C5AR1: variants seen among roughly 807,000 people sequenced by gnomAD.
The protein encoded by C5AR1 is C5a anaphylatoxin chemotactic receptor 1.
In C5AR1, 4 loss-of-function variants were observed where a neutral mutation model predicts 2.4. The ratio of observed to expected loss-of-function variants is 1.65; its 90% CI spans 0.81 to 3.77. C5AR1 has a LOEUF of 3.77. C5AR1 is among the 30% of genes most tolerant of loss of function. The pLI is 0.01. For synonymous variants in C5AR1, 209 were observed against 210.4 expected, an observed-to-expected ratio of 0.99 and a Z score of 0.06; for missense variants, 418 against 462.5, an observed-to-expected ratio of 0.90 and a Z score of 0.88.
chr19:47,308,557 C>CT (rs58683135), upstream of C5AR1, among the ~76,000 whole-genome samples: 3,360 of 143,494 alleles, frequency 0.023, 47 homozygotes, highest in Non-Finnish European at 0.036. Flanking sequence ...TTTTTCTTTT[C>CT]TTTTTTTTTT....
At chr19:47,314,103 C>T (rs2059278934) in intron 1 of C5AR1, among the ~76,000 whole-genome samples, 1 of 152,156 alleles carries the variant, frequency 6.6e-6, no homozygotes, top group Non-Finnish European at 1.5e-5. Flanking sequence ...TTCCAATCTC[C>T]GTTTCCTCCC....
At chr19:47,309,633 GGA>G (rs910848756), upstream of C5AR1, among the ~76,000 whole-genome samples, 16 of 151,512 alleles carry the variant, frequency 1.1e-4, no homozygotes, top group Non-Finnish European at 1.9e-4. Context: ...ACCAAGGCCA[GGA>G]GAGGGGCCGA....
chr19:47,314,395 AC>A (rs533976092), intron 1 of C5AR1, among the ~76,000 whole-genome samples: 1 of 151,960 alleles, frequency 6.6e-6, no homozygotes, highest in Non-Finnish European at 1.5e-5. Context: ...ATTTTATTTT[AC>A]TTTATTTATT....
chr19:47,320,359 C>T lies in C5AR1; in HGVS notation c.582C>T (p.His194=), dbSNP rs150320528. The part of the protein sequence containing the change: ...PKVLCGVDYS[H]DKRRERAVAI... ...TGTTGTGTGGCGTGGACTACAGCCA[C>T]GACAAACGGCGGGAGCGAGCCGTGG... Residue 194 remains histidine, a synonymous_variant, in exon 2 of 2, where the codon CAC becomes CAT. Coordinates refer to ENST00000355085, the MANE Select transcript of C5AR1 (RefSeq NM_001736.4). This position sits in a 1 kb window ranked among gnomAD's most constrained non-coding sequence, Gnocchi z 4.9. The T allele has an allele frequency of 2.4e-4, 385 of 1,609,704 alleles. No individual in the cohort carries two copies. The highest frequency in any genetic ancestry group is 1.6e-3 in the African/African-American group (120 of 75,044).
intron 1 of C5AR1, among the ~76,000 whole-genome samples, chr19:47,312,648 C>A (rs753790836): frequency 1.3e-5 from 2 of 152,116 alleles, no homozygotes; most frequent in South Asian, 4.1e-4. Flanking sequence ...GCATACCAGG[C>A]GTTGTATTAG....
chr19:47,320,392 C>G lies in C5AR1; in HGVS notation c.615C>G (p.Val205=), dbSNP rs61733735. 1.9e-3 allele frequency: 3,081 copies of G among 1,610,264 alleles called. 64 individuals are homozygous for G. In the African/African-American group the frequency reaches 0.033, roughly 17 times the overall value. The part of the protein sequence containing the change: ...DKRRERAVAI[V]RLVLGFLWPL... ...GGCGGGAGCGAGCCGTGGCCATCGT[C>G]CGGCTGGTCCTGGGCTTCCTGTGGC... is the stretch of plus-strand genomic sequence containing the variant. The change falls in exon 2 of 2, where the codon GTC becomes GTG. Residue 205 remains valine (V), a synonymous_variant. Transcript: ENST00000355085. The surrounding 1 kb of genome is among the most constrained non-coding windows in gnomAD (Gnocchi z 4.9).
chr19:47,317,207 A>G (rs1269673948), intron 1 of C5AR1, among the ~76,000 whole-genome samples: 1 of 150,446 alleles, frequency 6.6e-6, no homozygotes, highest in Non-Finnish European at 1.5e-5. Flanking sequence ...AAAAAAAAAA[A>G]AAAAAAATAT....
intron 1 of C5AR1, among the ~76,000 whole-genome samples, chr19:47,316,835 A>T (rs959896384): frequency 6.6e-6 from 1 of 151,884 alleles, no homozygotes; most frequent in African/African-American, 2.4e-5. Context: ...CCCACTGCCC[A>T]TAGCCTGGCT....
intron 1 of C5AR1, among the ~76,000 whole-genome samples, chr19:47,319,561 G>A (rs990765275): frequency 6.6e-6 from 1 of 151,906 alleles, no homozygotes; most frequent in African/African-American, 2.4e-5. Flanking sequence ...CGCCCGCCTC[G>A]GCCTCCCAAA....
chr19:47,313,829 T>TG (rs1190160909), intron 1 of C5AR1, among the ~76,000 whole-genome samples: 1 of 151,880 alleles, frequency 6.6e-6, no homozygotes. Flanking sequence ...CGAGAAGACT[T>TG]GGAGAGGTCT....
chr19:47,308,256 A>T (rs914614830), upstream of C5AR1, among the ~76,000 whole-genome samples: 2 of 151,112 alleles, frequency 1.3e-5, no homozygotes, highest in Non-Finnish European at 2.9e-5. Context: ...CCTGTTGTGA[A>T]CAGCGCATGT....
rs1238294195 is a variant in C5AR1, at chr19:47,321,117, T to C, written c.*287T>C. On this transcript the variant is annotated 3_prime_UTR_variant, in exon 2 of 2. Transcript: ENST00000355085. ...CTTTTGAAAAACAAACAGAAACCCG[T>C]GTATCTGGGATATTTCCATATGGCA... 1 of 233,260 alleles carries C rather than the reference T, an allele frequency of 4.3e-6. No homozygotes were observed. The allele number at this position is 233,260 out of a possible 1,614,324, so 14.4% of individuals were successfully genotyped here.
rs199721158 is a variant in C5AR1, at chr19:47,320,563, G to A, written c.786G>A (p.Gly262=). The A allele has an allele frequency of 3.1e-6, 5 of 1,614,056 alleles. 1 individual carries two copies. In the Middle Eastern group the frequency reaches 4.9e-4, roughly 160 times the overall value. The part of the protein sequence containing the change: ...FIFWLPYQVT[G]IMMSFLEPSS... The stretch of plus-strand genomic sequence containing the variant: ...TCTGGTTGCCCTACCAGGTGACGGG[G>A]ATAATGATGTCCTTCCTGGAGCCAT... The change falls in exon 2 of 2, where the codon GGG becomes GGA. Residue 262 remains glycine, a synonymous_variant. Transcript: ENST00000355085. This position sits in a 1 kb window ranked among gnomAD's most constrained non-coding sequence, Gnocchi z 4.9.
intron 1 of C5AR1, among the ~76,000 whole-genome samples, chr19:47,317,173 A>G (rs963783371): frequency 1.3e-5 from 2 of 148,304 alleles, no homozygotes; most frequent in African/African-American, 5.0e-5. Flanking sequence ...AGCCTGGGTG[A>G]CAGATCAAGA....
chr19:47,317,997 G>A (rs562938378), intron 1 of C5AR1, among the ~76,000 whole-genome samples: 46 of 145,018 alleles, frequency 3.2e-4, no homozygotes, highest in Middle Eastern at 3.5e-3. Flanking sequence ...AAAAAAAAAT[G>A]TACAAAACTC....
rs776659575 is a variant in C5AR1 at position 47,320,431 on chromosome 19, C to T, written c.654C>T (p.Leu218=). The T allele has an allele frequency of 1.6e-5, 25 of 1,611,464 alleles. No individual in the cohort carries two copies. In the East Asian group the frequency reaches 5.6e-4, roughly 36 times the overall value. Residue 218 remains leucine (L), a synonymous_variant, in exon 2 of 2, where the codon CTC becomes CTT. Coordinates refer to ENST00000355085, the MANE Select transcript of C5AR1 (RefSeq NM_001736.4). The surrounding 1 kb of genome is among the most constrained non-coding windows in gnomAD (Gnocchi z 4.9). ...VLGFLWPLLT[L]TICYTFILLR... The stretch of plus-strand genomic sequence containing the variant: ...GCTTCCTGTGGCCTCTACTCACGCT[C>T]ACGATTTGTTACACTTTCATCCTGC...
chr19:47,316,146 C>T (rs896795840), intron 1 of C5AR1, among the ~76,000 whole-genome samples: 9 of 152,162 alleles, frequency 5.9e-5, no homozygotes, highest in African/African-American at 2.2e-4. Flanking sequence ...GCTGGGACTA[C>T]AGGCACACAC....
At chr19:47,307,616 G>A (rs2059257620), upstream of C5AR1, 1 of 152,230 alleles carries the variant, frequency 6.6e-6, no homozygotes, top group South Asian at 2.1e-4. Flanking sequence ...CAAAGTGCTG[G>A]GATTGCAGGC....
chr19:47,318,824 G>T (rs1402850593), intron 1 of C5AR1, among the ~76,000 whole-genome samples: 1 of 151,158 alleles, frequency 6.6e-6, no homozygotes, highest in Non-Finnish European at 1.5e-5. Context: ...TTTCTTGGGT[G>T]CATGACAGCT....
Sources: gnomAD v4.1 joint callset for allele counts (sites outside exome capture counted in the v4.1 genomes callset) on GRCh38, gnomAD v4.1.1 for gene constraint, Gnocchi (gnomAD v3.1) non-coding constraint, MANE v1.5 for transcripts, NCBI Gene and HGNC (gene_info 2026-07-23, HGNC 2026-07-21) for gene names.